The following PROSER2 variants were observed in gnomAD, a reference collection of about 807,000 sequenced individuals.
PROSER2 encodes proline and serine rich 2, also known as proline and serine-rich protein 2.
Under a neutral mutation model 14.6 loss-of-function variants are expected in PROSER2, and 18 were observed. That is an observed-to-expected ratio of 1.23 (90% CI 0.85 to 1.83). PROSER2 has a LOEUF of 1.83. Among genes scored for constraint, PROSER2 ranks in the 40% most tolerant of loss-of-function variants. The pLI is 0.00. For synonymous variants in PROSER2, 367 were observed against 286.4 expected (o/e 1.28, Z -2.84); for missense variants, 823 against 629.8 (o/e 1.31, Z -3.28).
chr10:11,853,941 GTC>G (rs1398523670), intron 2 of PROSER2, among the ~76,000 whole-genome samples: 2 of 152,146 alleles, frequency 1.3e-5, no homozygotes, highest in Admixed American at 6.5e-5. Context: ...TATATGTGAT[GTC>G]TCTCTGTCTG....
chr10:11,854,404 C>G lies in PROSER2; in HGVS notation c.138+2189C>G, dbSNP rs559045122. Among the ~76,000 whole-genome samples the G allele has an allele frequency of 3.9e-5, 6 of 152,326 alleles. No homozygotes were observed. In the South Asian group the frequency reaches 1.2e-3, roughly 32 times the overall value. ...CTTACTGCAGCCGTGACCTCCTAGG[C>G]TCAAGTGAGCCTCCTGCGTCAACCT... is the stretch of plus-strand genomic sequence containing the variant. On this transcript the variant is annotated intron_variant, in intron 2 of 3. Coordinates refer to ENST00000277570, the MANE Select transcript of PROSER2 (RefSeq NM_153256.4).
intron 1 of PROSER2, among the ~76,000 whole-genome samples, chr10:11,825,443 G>T (rs1833598001): frequency 6.6e-6 from 1 of 152,142 alleles, no homozygotes. Context: ...GTGCCTCTGT[G>T]CTCTAAGAAG....
intron 1 of PROSER2, among the ~76,000 whole-genome samples, chr10:11,845,685 C>A (rs1833913673): frequency 6.6e-6 from 1 of 152,074 alleles, no homozygotes; most frequent in South Asian, 2.1e-4. Context: ...GGGGAGGGAG[C>A]TGAGAGGAAG....
intron 1 of PROSER2, among the ~76,000 whole-genome samples, chr10:11,840,051 C>CT (rs1402319973): frequency 6.6e-6 from 1 of 151,526 alleles, no homozygotes; most frequent in East Asian, 2.0e-4. Context: ...CTCCCAGTCT[C>CT]AAGTGATTCT....
rs191770967 is a variant in PROSER2 at position 11,862,052 on chromosome 10, G to A, written c.139-4479G>A. Among the ~76,000 whole-genome samples the A allele has an allele frequency of 4.5e-4, 68 of 152,302 alleles. No homozygotes were observed. The highest frequency in any genetic ancestry group is 7.7e-4 in the African/African-American group (32 of 41,572). Reference sequence around the variant, plus strand: ...CCCAGCGCCTGAGAGTTTCTAATGCGGCAGGTCTGGGATCGGACCCAGGAA... The same window carrying A: ...CCCAGCGCCTGAGAGTTTCTAATGCAGCAGGTCTGGGATCGGACCCAGGAA... On this transcript the variant is annotated intron_variant, in intron 2 of 3. Transcript: ENST00000277570. The surrounding 1 kb of genome is among the most constrained non-coding windows in gnomAD (Gnocchi z 4.2).
At chr10:11,824,107 T>G (rs1449807198) in intron 1 of PROSER2, among the ~76,000 whole-genome samples, 1 of 152,232 alleles carries the variant, frequency 6.6e-6, no homozygotes, top group African/African-American at 2.4e-5. Flanking sequence ...TTACGGAGTC[T>G]AAATTTAAGC....
intron 1 of PROSER2, among the ~76,000 whole-genome samples, chr10:11,843,426 G>A (rs1304062285): frequency 2.0e-5 from 3 of 149,846 alleles, no homozygotes; most frequent in South Asian, 4.2e-4. Context: ...GGTGGCTCAC[G>A]CCTGTAATCC....
At chr10:11,858,391 T>G (rs745346882) in intron 2 of PROSER2, among the ~76,000 whole-genome samples, 2 of 152,216 alleles carry the variant, frequency 1.3e-5, no homozygotes, top group Non-Finnish European at 2.9e-5. Flanking sequence ...TTTTAAAAAG[T>G]TGTCATCTAG....
At chr10:11,863,543 C>CAA (rs796501996) in intron 2 of PROSER2, among the ~76,000 whole-genome samples, 31 of 125,760 alleles carry the variant, frequency 2.5e-4, no homozygotes, top group South Asian at 5.1e-4. Context: ...ATCCCCCCCA[C>CAA]AAAAAAAAAA....
chr10:11,841,604 G>A (rs1417027838), intron 1 of PROSER2, among the ~76,000 whole-genome samples: 2 of 152,122 alleles, frequency 1.3e-5, no homozygotes, highest in Admixed American at 1.3e-4. Flanking sequence ...ATTTACTTAC[G>A]AGTATTTCTC....
chr10:11,861,854 A>G (rs965538320), intron 2 of PROSER2, among the ~76,000 whole-genome samples: 1 of 152,226 alleles, frequency 6.6e-6, no homozygotes, highest in South Asian at 2.1e-4. Context: ...TTAACTGTGA[A>G]GGGTAGGCGG....
In PROSER2 at chr10:11,866,490, T is replaced by A; in HGVS notation, c.139-41T>A. 6.2e-7 allele frequency: 1 copy of A among 1,604,350 alleles called. No individual in the cohort carries two copies. The highest frequency in any genetic ancestry group is 2.2e-5 in the East Asian group (1 of 44,722). ...GCTTTTGTCTCTTTAGTGAAGCCAG[T>A]GTTTGTTTTCTCTCTTCTGTTCCCA... On this transcript the variant is annotated intron_variant, in intron 2 of 3. Transcript: ENST00000277570. This position sits in a 1 kb window ranked among gnomAD's most constrained non-coding sequence, Gnocchi z 6.0.
At chr10:11,833,235 CTTTT>C (rs5783233) in intron 1 of PROSER2, among the ~76,000 whole-genome samples, 24 of 87,666 alleles carry the variant, frequency 2.7e-4, no homozygotes, top group African/African-American at 5.7e-4. Flanking sequence ...AATGTTGTGG[CTTTT>C]TTTTTTTTTT....
At chr10:11,841,623 A>G (rs1833847265) in intron 1 of PROSER2, among the ~76,000 whole-genome samples, 1 of 152,184 alleles carries the variant, frequency 6.6e-6, no homozygotes, top group Non-Finnish European at 1.5e-5. Flanking sequence ...TCAATTCCCA[A>G]TATTGTTTCT....
intron 1 of PROSER2, among the ~76,000 whole-genome samples, chr10:11,825,208 G>A (rs1833594882): frequency 2.0e-5 from 3 of 151,902 alleles, no homozygotes; most frequent in Admixed American, 2.0e-4. Context: ...GGGGAGAGAG[G>A]AAGGGCCTGC....
At position 11,838,212 on chromosome 10, in the gene PROSER2, C is replaced by CA; in HGVS notation, c.-81-13784dup. Reference sequence around the variant, plus strand: ...CCGACACACACTCACCCCCCAGACTCACCAGTGGCATTCGGGCCTGGCTAT... The same window carrying CA: ...CCGACACACACTCACCCCCCAGACTCAACCAGTGGCATTCGGGCCTGGCTAT... On this transcript the variant is annotated intron_variant, in intron 1 of 3. Coordinates refer to ENST00000277570, the MANE Select transcript of PROSER2 (RefSeq NM_153256.4). The surrounding 1 kb of genome is among the most constrained non-coding windows in gnomAD (Gnocchi z 4.4). Among the ~76,000 whole-genome samples the CA allele has an allele frequency of 6.6e-6, 1 of 152,104 alleles. No individual in the cohort carries two copies. The highest frequency in any genetic ancestry group is 1.5e-5 in the Non-Finnish European group (1 of 68,014).
intron 1 of PROSER2, among the ~76,000 whole-genome samples, chr10:11,826,539 G>C (rs1422939786): frequency 1.3e-5 from 2 of 152,090 alleles, no homozygotes; most frequent in Non-Finnish European, 2.9e-5. Flanking sequence ...TCAACCACTT[G>C]TTATTTTCCC....
In PROSER2 at chr10:11,856,569, G is replaced by A. The variant is rs1834125768; in HGVS notation, c.138+4354G>A. 6.6e-6 allele frequency among the ~76,000 whole-genome samples: 1 copy of A among 152,214 alleles called. No homozygotes were observed. The highest frequency in any genetic ancestry group is 1.5e-5 in the Non-Finnish European group (1 of 68,028). On this transcript the variant is annotated intron_variant, in intron 2 of 3. Coordinates refer to ENST00000277570, the MANE Select transcript of PROSER2 (RefSeq NM_153256.4). The surrounding 1 kb of genome is among the most constrained non-coding windows in gnomAD (Gnocchi z 5.3). Reference sequence around the variant, plus strand: ...CTACCTGTTATTTGTTTTTACCTCTGGCTTGGGCAGAAACAGTGATCCAAA... The same window carrying A: ...CTACCTGTTATTTGTTTTTACCTCTAGCTTGGGCAGAAACAGTGATCCAAA...
chr10:11,845,647 C>T (rs369815942), intron 1 of PROSER2, among the ~76,000 whole-genome samples: 6 of 152,100 alleles, frequency 3.9e-5, no homozygotes, highest in Admixed American at 6.6e-5. Flanking sequence ...CCTAGGCCCT[C>T]GGGGAAAGGG....
Sources: gnomAD v4.1 joint callset for allele counts (sites outside exome capture counted in the v4.1 genomes callset) on GRCh38, gnomAD v4.1.1 for gene constraint, Gnocchi (gnomAD v3.1) non-coding constraint, MANE v1.5 for transcripts, NCBI Gene and HGNC (gene_info 2026-07-23, HGNC 2026-07-21) for gene names.